Variants in PKIA observed in about 807,000 individuals in gnomAD.
PKIA encodes cAMP-dependent protein kinase inhibitor alpha, also known as PKI-alpha.
In PKIA, 4 loss-of-function variants were observed where a neutral mutation model predicts 7.6. That is an observed-to-expected ratio of 0.52 (90% CI 0.26 to 1.20). The LOEUF is 1.20. Ranked by LOEUF, PKIA falls within the 50% of genes most tolerant of loss-of-function variation. PKIA has a pLI of 0.13. For missense variants in PKIA, 73 were observed against 86.2 expected (o/e 0.85, Z 0.61); for synonymous variants, 21 against 30.7 (o/e 0.68, Z 1.04).
intron 1 of PKIA, among the ~76,000 whole-genome samples, chr8:78,566,715 T>A (rs1380886694): frequency 6.6e-6 from 1 of 152,152 alleles, no homozygotes; most frequent in Non-Finnish European, 1.5e-5. Context: ...ATACTTTAGC[T>A]AAAGTTATTA....
chr8:78,588,038 C>T (rs943615820), intron 2 of PKIA, among the ~76,000 whole-genome samples: 5 of 152,052 alleles, frequency 3.3e-5, no homozygotes, highest in South Asian at 2.1e-4. Context: ...GTAGTGGATT[C>T]GAAAATCAAA....
chr8:78,596,962 T>C (rs1405755777), intron 2 of PKIA, among the ~76,000 whole-genome samples: 3 of 152,220 alleles, frequency 2.0e-5, no homozygotes, highest in African/African-American at 7.2e-5. Context: ...TGCTTGTTTT[T>C]GTCAATTTTG....
intron 2 of PKIA, among the ~76,000 whole-genome samples, chr8:78,578,821 G>C (rs1282398367): frequency 1.3e-5 from 2 of 151,726 alleles, no homozygotes; most frequent in East Asian, 3.9e-4. Flanking sequence ...TTTTATTCTA[G>C]TCCCATTGCT....
intron 1 of PKIA, among the ~76,000 whole-genome samples, chr8:78,551,789 C>A (rs1010768818): frequency 6.6e-6 from 1 of 151,958 alleles, no homozygotes; most frequent in African/African-American, 2.4e-5. Flanking sequence ...GTTAGTGGGG[C>A]TCTTCCCGGT....
intron 2 of PKIA, among the ~76,000 whole-genome samples, chr8:78,574,835 C>T (rs754664191): frequency 6.6e-6 from 1 of 151,880 alleles, no homozygotes; most frequent in Non-Finnish European, 1.5e-5. Context: ...CTCTTGGGAA[C>T]AGGAGATGTA....
chr8:78,580,365 C>T (rs1807775588), intron 2 of PKIA, among the ~76,000 whole-genome samples: 1 of 152,008 alleles, frequency 6.6e-6, no homozygotes, highest in Non-Finnish European at 1.5e-5. Context: ...TTGTTTCTCT[C>T]CATTCTTTAC....
intron 1 of PKIA, among the ~76,000 whole-genome samples, chr8:78,527,864 A>T (rs554840176): frequency 6.6e-6 from 1 of 152,066 alleles, no homozygotes; most frequent in South Asian, 2.1e-4. Context: ...TGTCCTATGC[A>T]TAATAAATTA....
At chr8:78,525,843 A>C (rs987081948) in intron 1 of PKIA, among the ~76,000 whole-genome samples, 1 of 151,964 alleles carries the variant, frequency 6.6e-6, no homozygotes, top group South Asian at 2.1e-4. Context: ...ACTTATGTCT[A>C]GATCATGTTT....
intron 1 of PKIA, among the ~76,000 whole-genome samples, chr8:78,528,698 G>T (rs1368583374): frequency 6.6e-6 from 1 of 151,408 alleles, no homozygotes; most frequent in Non-Finnish European, 1.5e-5. Flanking sequence ...CAGGCATGGT[G>T]GCTCATGCCT....
At chr8:78,537,144 C>A (rs1417367275) in intron 1 of PKIA, among the ~76,000 whole-genome samples, 1 of 151,528 alleles carries the variant, frequency 6.6e-6, no homozygotes. Flanking sequence ...TCTTTTCTTC[C>A]CAAAATTTCC....
At chr8:78,599,818 C>G (rs1410949067) in intron 3 of PKIA, among the ~76,000 whole-genome samples, 2 of 151,700 alleles carry the variant, frequency 1.3e-5, no homozygotes, top group African/African-American at 4.8e-5. Context: ...ATTTTAGCTG[C>G]TCTTAATATT....
chr8:78,598,606 GCA>G (rs1808282771), intron 3 of PKIA, 71 bp downstream of exon 3: 4 of 1,198,270 alleles, frequency 3.3e-6, no homozygotes, highest in Admixed American at 1.9e-5. Flanking sequence ...AGGGATTAAG[GCA>G]CGAAAAGCCA....
chr8:78,593,079 A>T (rs555109942), intron 2 of PKIA, among the ~76,000 whole-genome samples: 1 of 152,252 alleles, frequency 6.6e-6, no homozygotes, highest in East Asian at 1.9e-4. Context: ...CCTACTTTAC[A>T]TCATTGTTAT....
At chr8:78,543,109 A>C (rs191620953) in intron 1 of PKIA, among the ~76,000 whole-genome samples, 33 of 152,324 alleles carry the variant, frequency 2.2e-4, no homozygotes, top group Admixed American at 5.9e-4. Context: ...TGTAATTTCA[A>C]AGGGATTCTC....
intron 1 of PKIA, among the ~76,000 whole-genome samples, chr8:78,564,963 T>G (rs1230111294): frequency 6.6e-6 from 1 of 151,928 alleles, no homozygotes; most frequent in Non-Finnish European, 1.5e-5. Context: ...TTTTTACTTT[T>G]GTTTTAAAAT....
At chr8:78,536,703 TAAGA>T (rs1369530311) in intron 1 of PKIA, among the ~76,000 whole-genome samples, 1 of 152,096 alleles carries the variant, frequency 6.6e-6, no homozygotes, top group Non-Finnish European at 1.5e-5. Context: ...AAAGCATATA[TAAGA>T]GTTTCTTTGA....
intron 1 of PKIA, among the ~76,000 whole-genome samples, chr8:78,541,006 A>C (rs1384979775): frequency 6.6e-6 from 1 of 152,038 alleles, no homozygotes; most frequent in African/African-American, 2.4e-5. Flanking sequence ...ATATATATAC[A>C]AGGTACATTT....
At chr8:78,574,462 C>T (rs966731062) in intron 2 of PKIA, among the ~76,000 whole-genome samples, 2 of 151,910 alleles carry the variant, frequency 1.3e-5, no homozygotes, top group Non-Finnish European at 2.9e-5. Context: ...AGCTATTTCT[C>T]TATATTCTGC....
At chr8:78,551,617 T>G (rs1806985006) in intron 1 of PKIA, among the ~76,000 whole-genome samples, 1 of 151,946 alleles carries the variant, frequency 6.6e-6, no homozygotes, top group Admixed American at 6.6e-5. Flanking sequence ...CTATGCAGTA[T>G]TAGATATATA....
Sources: gnomAD v4.1 joint callset for allele counts (sites outside exome capture counted in the v4.1 genomes callset) on GRCh38, gnomAD v4.1.1 for gene constraint, MANE v1.5 for transcripts, NCBI Gene and HGNC (gene_info 2026-07-23, HGNC 2026-07-21) for gene names.